The following CCDC192 variants were observed in gnomAD, a reference collection of about 807,000 sequenced individuals.
The protein encoded by CCDC192 is coiled-coil domain-containing protein 192.
chr5:127,931,964 A>G (rs1754040675), intron 6 of CCDC192, among the ~76,000 whole-genome samples: 2 of 151,868 alleles, frequency 1.3e-5, no homozygotes, highest in Non-Finnish European at 2.9e-5. Context: ...ATCCTGGCCA[A>G]CATGGCGAAA....
At chr5:127,712,797 G>A (rs1488717229) in intron 2 of CCDC192, among the ~76,000 whole-genome samples, 1 of 152,180 alleles carries the variant, frequency 6.6e-6, no homozygotes, top group Admixed American at 6.5e-5. Context: ...AGAGTCATAT[G>A]GTAGGTGTAC....
At chr5:127,864,281 C>T (rs1234362365) in intron 5 of CCDC192, among the ~76,000 whole-genome samples, 2 of 152,160 alleles carry the variant, frequency 1.3e-5, no homozygotes, top group African/African-American at 2.4e-5. Flanking sequence ...CATTCTCAGA[C>T]TCTGGGAAGT....
At chr5:127,735,733 T>C (rs1194388545) in intron 2 of CCDC192, among the ~76,000 whole-genome samples, 1 of 129,718 alleles carries the variant, frequency 7.7e-6, no homozygotes, top group East Asian at 2.5e-4. Context: ...TCTGTTTGTC[T>C]GTTGTTGGTG....
intron 5 of CCDC192, among the ~76,000 whole-genome samples, chr5:127,860,101 C>G (rs186321095): frequency 6.6e-6 from 1 of 152,302 alleles, no homozygotes; most frequent in East Asian, 1.9e-4. Context: ...CCCAGTCTCA[C>G]CTCTGCGCTC....
At chr5:127,711,969 A>G (rs1185286197) in intron 2 of CCDC192, among the ~76,000 whole-genome samples, 2 of 152,084 alleles carry the variant, frequency 1.3e-5, no homozygotes, top group Non-Finnish European at 2.9e-5. Context: ...TACCACCACA[A>G]TCAGGATAAT....
chr5:127,764,983 T>C (rs944323180), intron 3 of CCDC192, among the ~76,000 whole-genome samples: 14 of 152,186 alleles, frequency 9.2e-5, no homozygotes, highest in African/African-American at 3.4e-4. Context: ...TCAGAAAGTG[T>C]TTAATGTTGA....
chr5:127,855,538 A>T (rs1393211201), intron 5 of CCDC192, among the ~76,000 whole-genome samples: 3 of 152,202 alleles, frequency 2.0e-5, no homozygotes, highest in African/African-American at 7.2e-5. Context: ...ACCTTCTCCC[A>T]TGAATCACGA....
chr5:127,886,791 C>A (rs1752574277), intron 6 of CCDC192, among the ~76,000 whole-genome samples: 1 of 152,236 alleles, frequency 6.6e-6, no homozygotes, highest in Non-Finnish European at 1.5e-5. Flanking sequence ...GAAACCTTAA[C>A]CCCTGTGTTG....
chr5:127,725,157 C>A (rs2126805959), intron 2 of CCDC192, among the ~76,000 whole-genome samples: 1 of 151,942 alleles, frequency 6.6e-6, no homozygotes, highest in South Asian at 2.1e-4. Flanking sequence ...AGAGGAAAGC[C>A]CAAATTCTTG....
intron 2 of CCDC192, among the ~76,000 whole-genome samples, chr5:127,741,310 A>G (rs776671699): frequency 1.3e-5 from 2 of 152,152 alleles, no homozygotes; most frequent in Non-Finnish European, 2.9e-5. Flanking sequence ...AGATCTGTCC[A>G]TCTTAGCCTC....
At chr5:127,795,297 A>G (rs890070650) in intron 3 of CCDC192, among the ~76,000 whole-genome samples, 1 of 151,940 alleles carries the variant, frequency 6.6e-6, no homozygotes, top group East Asian at 1.9e-4. Flanking sequence ...CTCAAAAAAA[A>G]AAAAAAAAAA....
At chr5:127,753,524 C>A (rs958072768) in intron 2 of CCDC192, among the ~76,000 whole-genome samples, 1 of 151,970 alleles carries the variant, frequency 6.6e-6, no homozygotes, top group African/African-American at 2.4e-5. Context: ...GGGGAATCCA[C>A]GTCTCTACTA....
rs573144095 is a variant in CCDC192, at chr5:127,778,774, T to A, written c.223-18329T>A. On this transcript the variant is annotated intron_variant, in intron 3 of 6. Coordinates refer to ENST00000514853, the MANE Select transcript of CCDC192 (RefSeq NM_001317938.2). ...TTCTTTTCTTTTCTTTTCTTTTTTT[T>A]AAAATGGATTCAATCTCTTTAATTG... is the stretch of plus-strand genomic sequence containing the variant. Among the ~76,000 whole-genome samples the A allele has an allele frequency of 2.6e-3, 399 of 152,250 alleles. 1 individual carries two copies. The highest frequency in any genetic ancestry group is 9.2e-3 in the African/African-American group (384 of 41,564).
intron 5 of CCDC192, among the ~76,000 whole-genome samples, chr5:127,874,474 G>A (rs894409994): frequency 2.6e-5 from 4 of 152,076 alleles, no homozygotes; most frequent in African/African-American, 9.7e-5. Flanking sequence ...GAAATGAGAG[G>A]CCTGTTTCTA....
intron 2 of CCDC192, among the ~76,000 whole-genome samples, chr5:127,735,763 T>G (rs1330439468): frequency 4.6e-5 from 6 of 131,782 alleles, no homozygotes; most frequent in Non-Finnish European, 9.2e-5. Context: ...GCTTGTGATT[T>G]TTGTACATTG....
chr5:127,719,468 GAC>G (rs779364199), intron 2 of CCDC192, among the ~76,000 whole-genome samples: 43,232 of 102,456 alleles, frequency 0.42, 7,844 homozygotes, highest in East Asian at 0.57. Context: ...TATATATACA[GAC>G]ACATACATAT....
intron 5 of CCDC192, among the ~76,000 whole-genome samples, chr5:127,843,169 G>C (rs1037957719): frequency 6.6e-6 from 1 of 150,782 alleles, no homozygotes; most frequent in African/African-American, 2.4e-5. Flanking sequence ...CGAGTAGCTG[G>C]GATTACAGGT....
chr5:127,725,892 AC>A (rs1406685817), intron 2 of CCDC192, among the ~76,000 whole-genome samples: 1 of 152,228 alleles, frequency 6.6e-6, no homozygotes, highest in African/African-American at 2.4e-5. Context: ...ACTTTTGGCA[AC>A]ACAGTATAAA....
chr5:127,897,865 A>G (rs1167657018), intron 6 of CCDC192, among the ~76,000 whole-genome samples: 1 of 152,196 alleles, frequency 6.6e-6, no homozygotes, highest in African/African-American at 2.4e-5. Flanking sequence ...ACTATAAGTT[A>G]TGCTGCAGAA....
Sources: allele counts gnomAD v4.1 joint callset (sites outside exome capture counted in the v4.1 genomes callset), GRCh38; gene constraint gnomAD v4.1.1; transcripts MANE v1.5; gene names NCBI Gene and HGNC (gene_info 2026-07-23, HGNC 2026-07-21).